The following TOLLIP variants were observed in gnomAD, a reference collection of about 807,000 sequenced individuals.
TOLLIP encodes the protein toll interacting protein, also known as toll-interacting protein.
TOLLIP carries 16 observed loss-of-function variants against 33.5 expected under a neutral mutation model. The ratio of observed to expected loss-of-function variants is 0.48; its 90% CI spans 0.32 to 0.72. The LOEUF is 0.72. Ranked by LOEUF, TOLLIP falls within the 30% of genes least tolerant of loss-of-function variation. The pLI is 0.03. For missense variants in TOLLIP, 325 were observed against 396.6 expected (o/e 0.82, Z 1.53); for synonymous variants, 176 against 163.7 (o/e 1.07, Z -0.57).
At chr11:1,305,068 G>A (rs5743885) in intron 1 of TOLLIP, among the ~76,000 whole-genome samples, 131,634 of 152,290 alleles carry the variant, frequency 0.86, 57,291 homozygotes, top group Non-Finnish European at 0.92. Flanking sequence ...AGACAGCTGG[G>A]GTGGCCATGC....
chr11:1,277,348 G>T lies in TOLLIP; in HGVS notation c.611-95C>A. ...AGGAAGAAAACAACGCATCCCACCGGCCTCCCTGAGGAAGGGGCCACCTCG... is the reference window on the plus strand; with the variant it reads ...AGGAAGAAAACAACGCATCCCACCGTCCTCCCTGAGGAAGGGGCCACCTCG... On this transcript the variant is annotated intron_variant, in intron 5 of 5. Transcript: ENST00000317204. This position sits in a 1 kb window ranked among gnomAD's most constrained non-coding sequence, Gnocchi z 4.2. The T allele has an allele frequency of 1.9e-6, 2 of 1,063,898 alleles. No homozygotes were observed. Among genetic ancestry groups the T allele is most frequent in the Non-Finnish European group, 2.6e-6 (2 of 764,038 alleles). 65.9% of individuals were successfully genotyped at this position (1,063,898 alleles called of 1,614,324 possible). A position where few individuals can be genotyped will look rare whatever the true frequency, so the allele number is the denominator to read the frequency against.
At chr11:1,300,649 TGA>T (rs1864243452) in intron 1 of TOLLIP, among the ~76,000 whole-genome samples, 1 of 151,844 alleles carries the variant, frequency 6.6e-6, no homozygotes, top group Non-Finnish European at 1.5e-5. Context: ...CGTTTCCGAC[TGA>T]GAGTGCCGCT....
chr11:1,292,969 G>A (rs1240526452), intron 2 of TOLLIP, among the ~76,000 whole-genome samples: 2 of 152,236 alleles, frequency 1.3e-5, no homozygotes, highest in African/African-American at 2.4e-5. Flanking sequence ...GAGCAGGCTC[G>A]GCAGGACAGT....
chr11:1,276,839 C>A lies in TOLLIP; in HGVS notation c.*200G>T. 2.0e-6 allele frequency: 3 copies of A among 1,531,200 alleles called. No individual in the cohort carries two copies. The South Asian group carries it at 3.6e-5, about 18-fold the overall frequency. 94.9% of individuals were successfully genotyped at this position (1,531,200 alleles called of 1,614,324 possible). On this transcript the variant is annotated 3_prime_UTR_variant, in exon 6 of 6. Transcript: ENST00000317204. ...CTCCCAGCACGAGATGGGAGGGGAG[C>A]CCCCGCCCCGTCCTGGACCGCCAGG...
At chr11:1,308,171 G>A (rs539612443) in intron 1 of TOLLIP, among the ~76,000 whole-genome samples, 4 of 152,338 alleles carry the variant, frequency 2.6e-5, no homozygotes, top group Admixed American at 1.3e-4. Flanking sequence ...CAAATCTCAC[G>A]CTGAATTATG....
At position 1,278,415 on chromosome 11, in the gene TOLLIP, C is replaced by G. The variant is rs942775166; in HGVS notation, c.611-1162G>C. On this transcript the variant is annotated intron_variant, in intron 5 of 5. Transcript: ENST00000317204. This position sits in a 1 kb window ranked among gnomAD's most constrained non-coding sequence, Gnocchi z 4.7. ...TGTTCCTTTCTACACTTGGAGGATC[C>G]TAAAGGCAGCAGAAGCCACTTCAAT... 2.0e-5 allele frequency among the ~76,000 whole-genome samples: 3 copies of G among 152,158 alleles called. No homozygotes were observed. Among genetic ancestry groups the G allele is most frequent in the Admixed American group, 6.5e-5 (1 of 15,272 alleles).
intron 5 of TOLLIP, among the ~76,000 whole-genome samples, chr11:1,281,298 A>G (rs756054421): frequency 3.9e-5 from 6 of 152,100 alleles, no homozygotes; most frequent in Non-Finnish European, 8.8e-5. Flanking sequence ...ATGCGGTCAC[A>G]CTTTATTTTT....
chr11:1,287,306 C>T lies in TOLLIP; in HGVS notation c.520-1214G>A, dbSNP rs182394425. ...TGAGACATTTACACATCGTCACTCA[C>T]GGCCGGGACATGATTTAAAATATCC... On this transcript the variant is annotated intron_variant, in intron 4 of 5. Transcript: ENST00000317204. Among the ~76,000 whole-genome samples, 9 of 152,306 alleles carry T rather than the reference C, an allele frequency of 5.9e-5. No individual in the cohort carries two copies. The East Asian group carries it at 7.7e-4, about 13-fold the overall frequency.
intron 1 of TOLLIP, among the ~76,000 whole-genome samples, chr11:1,309,119 T>C (rs1050229915): frequency 4.7e-5 from 7 of 150,226 alleles, no homozygotes; most frequent in Non-Finnish European, 1.0e-4. Context: ...CTGGAGACCA[T>C]TGGGGAGCGG....
intron 2 of TOLLIP, among the ~76,000 whole-genome samples, chr11:1,293,493 G>C (rs548722050): frequency 6.6e-6 from 1 of 152,224 alleles, no homozygotes; most frequent in East Asian, 1.9e-4. Context: ...GCGAGGGGAC[G>C]CAAGCAGGGA....
chr11:1,307,350 G>A (rs562134018), intron 1 of TOLLIP, among the ~76,000 whole-genome samples: 51 of 152,314 alleles, frequency 3.3e-4, no homozygotes, highest in African/African-American at 1.2e-3. Flanking sequence ...CGACACCTCA[G>A]CACTTGCCAG....
At chr11:1,279,299 G>A (rs1863414907) in intron 5 of TOLLIP, among the ~76,000 whole-genome samples, 1 of 152,234 alleles carries the variant, frequency 6.6e-6, no homozygotes, top group Non-Finnish European at 1.5e-5. Context: ...GTGGGCTGAG[G>A]GGCAGTGGCC....
chr11:1,283,528 T>C (rs1240578062), intron 5 of TOLLIP: 1 of 456,078 alleles, frequency 2.2e-6, no homozygotes, highest in Non-Finnish European at 4.4e-6. Context: ...TCACAGGCTC[T>C]GGCAGATGTT....
chr11:1,276,635 TA>T lies in TOLLIP; in HGVS notation c.*403del. The stretch of plus-strand genomic sequence containing the variant: ...ACAGTGTGAGGGATTGTGTGTGCCT[TA>T]AATCAACAGCTCTATTCCAATTACA... On this transcript the variant is annotated 3_prime_UTR_variant, in exon 6 of 6. Coordinates refer to ENST00000317204, the MANE Select transcript of TOLLIP (RefSeq NM_019009.4). 1 of 1,297,034 alleles carries T rather than the reference TA, an allele frequency of 7.7e-7. No homozygotes were observed. Among genetic ancestry groups the T allele is most frequent in the Middle Eastern group, 2.1e-4 (1 of 4,774 alleles). The allele number at this position is 1,297,034 out of a possible 1,614,324, so 80.3% of individuals were successfully genotyped here.
intron 4 of TOLLIP, 75 bp from the exon 5 acceptor site, chr11:1,286,167 C>G (rs1471557530): frequency 4.3e-6 from 5 of 1,157,594 alleles, no homozygotes; most frequent in Non-Finnish European, 6.3e-6. Flanking sequence ...TCGCCCTCCC[C>G]ACAATTGCCC....
intron 5 of TOLLIP, 48 bp downstream of exon 5, chr11:1,285,954 C>A: frequency 6.7e-7 from 1 of 1,496,594 alleles, no homozygotes; most frequent in Non-Finnish European, 9.1e-7. Context: ...GCCCTAGGCC[C>A]TGGGGTTTCT....
intron 5 of TOLLIP, among the ~76,000 whole-genome samples, chr11:1,282,568 A>G (rs530571441): frequency 1.8e-4 from 28 of 152,228 alleles, no homozygotes; most frequent in African/African-American, 6.0e-4. Flanking sequence ...TGGCACACGG[A>G]TACATATGTA....
chr11:1,282,161 G>A (rs911257574), intron 5 of TOLLIP, among the ~76,000 whole-genome samples: 2 of 152,238 alleles, frequency 1.3e-5, no homozygotes, highest in Admixed American at 6.5e-5. Flanking sequence ...GGCTAAGGCC[G>A]GAAATGCAGA....
At chr11:1,288,574 T>C in intron 4 of TOLLIP, 50 bp downstream of exon 4, 1 of 1,564,988 alleles carries the variant, frequency 6.4e-7, no homozygotes, top group Non-Finnish European at 8.7e-7. Context: ...AGCCCCGACG[T>C]GCTCCAACAT....
Sources: gnomAD v4.1 joint callset for allele counts (sites outside exome capture counted in the v4.1 genomes callset) on GRCh38, gnomAD v4.1.1 for gene constraint, Gnocchi (gnomAD v3.1) non-coding constraint, MANE v1.5 for transcripts, NCBI Gene and HGNC (gene_info 2026-07-23, HGNC 2026-07-21) for gene names.